The following KLHL4 variants were observed in gnomAD, a reference collection of about 807,000 sequenced individuals.
KLHL4 encodes kelch like family member 4.
Under a neutral mutation model 45.8 loss-of-function variants are expected in KLHL4, and 17 were observed. That is an observed-to-expected ratio of 0.37 (90% CI 0.25 to 0.56). KLHL4 has a LOEUF of 0.56. Ranked by LOEUF, KLHL4 falls within the 20% of genes least tolerant of loss-of-function variation. KLHL4 has a pLI of 0.79. For missense variants in KLHL4, 544 were observed against 544.9 expected (o/e 1.00, Z 0.02); for synonymous variants, 224 against 189.9 (o/e 1.18, Z -1.47).
intron 1 of KLHL4, among the ~76,000 whole-genome samples, chrX:87,575,184 C>T (rs925856242): frequency 9.9e-5 from 11 of 111,523 alleles, no homozygotes; most frequent in African/African-American, 1.6e-4. Context: ...AGTAATGGTC[C>T]GCGGTCTGAT....
At chrX:87,559,895 C>T in intron 1 of KLHL4, among the ~76,000 whole-genome samples, 1 of 111,088 alleles carries the variant, frequency 9.0e-6, no homozygotes, top group Non-Finnish European at 1.9e-5. Context: ...AATACTATAT[C>T]CAATAAGCCA....
intron 1 of KLHL4, among the ~76,000 whole-genome samples, chrX:87,567,810 G>C (rs1259736159): frequency 2.7e-5 from 3 of 109,868 alleles, no homozygotes; most frequent in Non-Finnish European, 5.7e-5. Flanking sequence ...TTCTGGAGGG[G>C]GAAGGGAGGG....
intron 6 of KLHL4, among the ~76,000 whole-genome samples, chrX:87,631,460 T>C (rs1008468887): frequency 2.5e-4 from 28 of 112,108 alleles, no homozygotes; most frequent in Non-Finnish European, 1.3e-4. Context: ...CTCTACCTCT[T>C]GTATCATTAC....
At chrX:87,655,973 G>C (rs1383752562) in intron 9 of KLHL4, among the ~76,000 whole-genome samples, 1 of 111,597 alleles carries the variant, frequency 9.0e-6, no homozygotes, top group Non-Finnish European at 1.9e-5. Context: ...ACCCAAGTCA[G>C]GGTTTACAGC....
intron 9 of KLHL4, among the ~76,000 whole-genome samples, chrX:87,654,041 C>A (rs1923905801): frequency 1.8e-5 from 2 of 110,880 alleles, no homozygotes; most frequent in South Asian, 7.6e-4. Context: ...GGTGTAATAC[C>A]TAGGTGATGG....
Position 87,618,124 on chromosome X carries a change from C to T in KLHL4, c.920C>T (p.Thr307Ile). Residue 307 changes from threonine to isoleucine, a missense_variant, in exon 4 of 11, where the codon ACT (threonine) becomes ATT (isoleucine). Physicochemically the swap from Thr to Ile is moderately conservative, Grantham distance 89 (BLOSUM62 -1). Transcript: ENST00000373119. ...CTTCTGAACGTGGCACACAAATACA[C>T]TATGGTAAAATCAATTGCTTCAACT... Reference protein sequence around the residue: ...TELLNVAHKYTMEHFIEVIKN... With the variant: ...TELLNVAHKYIMEHFIEVIKN... The T allele has an allele frequency of 2.6e-6, 3 of 1,174,772 alleles. No individual in the cohort carries two copies. The highest frequency in any genetic ancestry group is 2.3e-5 in the Admixed American group (1 of 42,819).
At position 87,668,464 on chromosome X, in the gene KLHL4, GC is replaced by G; in HGVS notation, c.*1931del. Reference sequence around the variant, plus strand: ...AGAAGAGACATGTATGTTTCCCGGGGCTACCCCTTCATAGCTGCATTTAAAA... The same window carrying G: ...AGAAGAGACATGTATGTTTCCCGGGGTACCCCTTCATAGCTGCATTTAAAA... On this transcript the variant is annotated 3_prime_UTR_variant, in exon 11 of 11. Transcript: ENST00000373119. 1.3e-6 allele frequency: 1 copy of G among 753,417 alleles called. No individual in the cohort carries two copies. Among genetic ancestry groups the G allele is most frequent in the Non-Finnish European group, 1.6e-6 (1 of 638,590 alleles). The allele number at this position is 753,417 out of a possible 1,213,427, so 62.1% of individuals were successfully genotyped here.
At chrX:87,629,748 G>C (rs1267315825) in intron 6 of KLHL4, among the ~76,000 whole-genome samples, 1 of 111,534 alleles carries the variant, frequency 9.0e-6, no homozygotes, top group Non-Finnish European at 1.9e-5. Context: ...GGAAGATTGG[G>C]ATGAGGAAAT....
intron 1 of KLHL4, among the ~76,000 whole-genome samples, chrX:87,593,666 T>C (rs1176558760): frequency 4.5e-5 from 5 of 111,250 alleles, no homozygotes. Context: ...CATAATTTAA[T>C]GTCATTGTCT....
chrX:87,572,062 A>G (rs1428467886), intron 1 of KLHL4, among the ~76,000 whole-genome samples: 2 of 111,212 alleles, frequency 1.8e-5, no homozygotes, highest in Non-Finnish European at 3.8e-5. Flanking sequence ...TAGCCAAGCA[A>G]TCAGTTGAAA....
chrX:87,570,839 GA>G (rs1409486914), intron 1 of KLHL4, among the ~76,000 whole-genome samples: 1 of 110,755 alleles, frequency 9.0e-6, no homozygotes, highest in African/African-American at 3.3e-5. Flanking sequence ...TCAAGGATTT[GA>G]AAATATTTGG....
intron 9 of KLHL4, among the ~76,000 whole-genome samples, chrX:87,638,487 G>T (rs1010812764): frequency 1.8e-5 from 2 of 112,085 alleles, no homozygotes; most frequent in Non-Finnish European, 3.8e-5. Context: ...GAGAGTAAGA[G>T]CAGATATTTT....
intron 10 of KLHL4, among the ~76,000 whole-genome samples, chrX:87,666,265 G>T (rs1289735505): frequency 9.0e-6 from 1 of 111,302 alleles, no homozygotes; most frequent in African/African-American, 3.3e-5. Context: ...AAGATCACCT[G>T]ATCCTCAAAC....
At chrX:87,604,718 A>G (rs1361364276) in intron 1 of KLHL4, among the ~76,000 whole-genome samples, 1 of 111,117 alleles carries the variant, frequency 9.0e-6, no homozygotes, top group Non-Finnish European at 1.9e-5. Flanking sequence ...TTTGAACATT[A>G]TCTTTTCATT....
rs1463459540 is a variant in KLHL4, at chrX:87,617,997, A to T, written c.793A>T (p.Thr265Ser). 1 of 1,209,079 alleles carries T rather than the reference A, an allele frequency of 8.3e-7. No homozygotes were observed. Among genetic ancestry groups the T allele is most frequent in the Non-Finnish European group, 1.1e-6 (1 of 894,595 alleles). The part of the protein sequence containing the change: ...LLAAACLLQL[T>S]QVIDVCSNFL... ...GGCTGCAGCTTGTCTTCTGCAGCTG[A>T]CTCAGGTCATTGATGTTTGCTCCAA... The change falls in exon 4 of 11, where the codon ACT (threonine) becomes TCT (serine). Residue 265 changes from threonine (T) to serine (S), a missense_variant. By Grantham distance (58) the Thr-to-Ser change is moderately conservative. Coordinates refer to ENST00000373119, the MANE Select transcript of KLHL4 (RefSeq NM_019117.5).
At chrX:87,614,702 T>A in intron 3 of KLHL4, 132 bp downstream of exon 3, 2 of 530,192 alleles carry the variant, frequency 3.8e-6, no homozygotes, top group East Asian at 3.9e-5. Flanking sequence ...CTACTACAAC[T>A]ACAAAGGTGA....
chrX:87,611,964 T>G (rs1175252821), intron 1 of KLHL4, among the ~76,000 whole-genome samples: 2 of 111,646 alleles, frequency 1.8e-5, no homozygotes, highest in African/African-American at 6.5e-5. Context: ...AAATTAAAAA[T>G]AGAAAAAAGC....
intron 9 of KLHL4, among the ~76,000 whole-genome samples, chrX:87,650,107 A>G (rs1011319306): frequency 9.0e-6 from 1 of 110,944 alleles, no homozygotes; most frequent in Non-Finnish European, 1.9e-5. Flanking sequence ...GTGTATTGAT[A>G]TATTTTTTTT....
chrX:87,553,386 A>T (rs1931881015), intron 1 of KLHL4, among the ~76,000 whole-genome samples: 1 of 111,022 alleles, frequency 9.0e-6, no homozygotes, highest in Admixed American at 9.7e-5. Context: ...ATTTCATTTT[A>T]TTTAAAAATA....
Sources: allele counts gnomAD v4.1 joint callset (sites outside exome capture counted in the v4.1 genomes callset), GRCh38; gene constraint gnomAD v4.1.1; transcripts MANE v1.5; gene names NCBI Gene and HGNC (gene_info 2026-07-23, HGNC 2026-07-21).